Variants in FRMD5 observed in about 807,000 individuals in gnomAD.
The protein encoded by FRMD5 is FERM domain-containing protein 5.
Under a neutral mutation model 69.0 loss-of-function variants are expected in FRMD5, and 20 were observed. The ratio of observed to expected loss-of-function variants is 0.29; its 90% confidence interval spans 0.20 to 0.42. The LOEUF (loss-of-function observed/expected upper bound fraction) is 0.42, where lower values mean the gene tolerates loss of function less well. FRMD5 is among the 10% of genes least tolerant of loss of function. FRMD5 has a pLI of 1.00. For missense variants in FRMD5, 595 were observed against 708.6 expected, an observed-to-expected ratio of 0.84 and a Z score of 1.82; for synonymous variants, 271 against 260.1, an observed-to-expected ratio of 1.04 and a Z score of -0.40.
At chr15:44,109,815 C>T (rs150805178) in intron 1 of FRMD5, among the ~76,000 whole-genome samples, 1 of 152,326 alleles carries the variant, frequency 6.6e-6, no homozygotes, top group Non-Finnish European at 1.5e-5. Flanking sequence ...TAAGTTCCCT[C>T]CTTCTTTCCT....
intron 1 of FRMD5, among the ~76,000 whole-genome samples, chr15:44,182,068 T>C (rs1595564618): frequency 6.6e-6 from 1 of 151,654 alleles, no homozygotes; most frequent in Admixed American, 6.6e-5. Flanking sequence ...TGAAGTCTAG[T>C]GGTGCGATCT....
intron 1 of FRMD5, among the ~76,000 whole-genome samples, chr15:43,961,281 C>A (rs1018213896): frequency 1.3e-5 from 2 of 152,142 alleles, no homozygotes; most frequent in South Asian, 2.1e-4. Flanking sequence ...AACACCTCTA[C>A]GCAAATAAAC....
chr15:43,998,629 T>C lies in FRMD5; in HGVS notation c.103-74320A>G, dbSNP rs565244716. On this transcript the variant is annotated intron_variant, in intron 1 of 13. Coordinates refer to ENST00000417257, the MANE Select transcript of FRMD5 (RefSeq NM_032892.5). ...CCCTAAACTCCACTGCCATTCAAAC[T>C]GGCAGACACTAAGGCTTGAGCACTA... Among the ~76,000 whole-genome samples, 8 of 152,338 alleles carry C rather than the reference T, an allele frequency of 5.3e-5. No individual in the cohort carries two copies. In the East Asian group the frequency reaches 1.2e-3, roughly 22 times the overall value.
At chr15:44,105,395 T>G (rs888357174) in intron 1 of FRMD5, among the ~76,000 whole-genome samples, 1 of 152,172 alleles carries the variant, frequency 6.6e-6, no homozygotes, top group African/African-American at 2.4e-5. Context: ...TTCAAAGGTG[T>G]GGAAGGCAAA....
At chr15:44,031,754 T>C (rs1891694616) in intron 1 of FRMD5, among the ~76,000 whole-genome samples, 1 of 152,326 alleles carries the variant, frequency 6.6e-6, no homozygotes, top group Non-Finnish European at 1.5e-5. Context: ...GCTATTTTCA[T>C]GATATTCCCC....
At chr15:44,007,964 T>C (rs948409685) in intron 1 of FRMD5, among the ~76,000 whole-genome samples, 9 of 151,934 alleles carry the variant, frequency 5.9e-5, no homozygotes, top group Non-Finnish European at 1.3e-4. Context: ...TTTAAAGAGA[T>C]GGGGTCTTGC....
intron 1 of FRMD5, among the ~76,000 whole-genome samples, chr15:44,147,631 T>C (rs948115836): frequency 1.6e-4 from 25 of 152,122 alleles, no homozygotes; most frequent in African/African-American, 5.8e-4. Flanking sequence ...GTTAGACCAG[T>C]ACAGGTAAGG....
chr15:44,035,054 A>T (rs757727984), intron 1 of FRMD5, among the ~76,000 whole-genome samples: 5 of 151,980 alleles, frequency 3.3e-5, no homozygotes, highest in Non-Finnish European at 5.9e-5. Context: ...CACTTTCTAT[A>T]TTTGCTTAAG....
intron 1 of FRMD5, among the ~76,000 whole-genome samples, chr15:44,002,768 G>T (rs955810652): frequency 6.6e-6 from 1 of 152,036 alleles, no homozygotes. Flanking sequence ...TGCGGCGCGG[G>T]GCTGTCTGCC....
At chr15:43,991,755 T>A (rs1441850427) in intron 1 of FRMD5, among the ~76,000 whole-genome samples, 1 of 152,238 alleles carries the variant, frequency 6.6e-6, no homozygotes, top group African/African-American at 2.4e-5. Flanking sequence ...AACAGGGCAC[T>A]GATGTGTTCT....
intron 1 of FRMD5, chr15:43,990,320 T>C (rs1889614141): frequency 3.9e-6 from 1 of 256,448 alleles, no homozygotes; most frequent in Admixed American, 4.9e-5. Flanking sequence ...TGACTTTGCT[T>C]TTTTGTGATA....
intron 1 of FRMD5, among the ~76,000 whole-genome samples, chr15:44,017,068 G>A (rs1333815408): frequency 6.6e-6 from 1 of 151,994 alleles, no homozygotes; most frequent in East Asian, 2.0e-4. Flanking sequence ...GCCGGGTGCG[G>A]TGGCTCACAC....
At chr15:44,014,356 T>G (rs1890860107) in intron 1 of FRMD5, among the ~76,000 whole-genome samples, 1 of 152,172 alleles carries the variant, frequency 6.6e-6, no homozygotes, top group Non-Finnish European at 1.5e-5. Context: ...CTTTCTGGGT[T>G]CAAGTCTCAG....
intron 1 of FRMD5, among the ~76,000 whole-genome samples, chr15:44,111,691 G>T (rs993148555): frequency 3.3e-5 from 5 of 152,262 alleles, no homozygotes; most frequent in African/African-American, 1.2e-4. Flanking sequence ...CTCTGCAAAA[G>T]AAATAGATGC....
chr15:43,876,597 CT>C (rs2088365863), intron 13 of FRMD5, among the ~76,000 whole-genome samples: 1 of 152,168 alleles, frequency 6.6e-6, no homozygotes, highest in Non-Finnish European at 1.5e-5. Flanking sequence ...ACCGAATATC[CT>C]TGTAAAAACC....
At chr15:44,026,670 T>C (rs903692057) in intron 1 of FRMD5, among the ~76,000 whole-genome samples, 4 of 152,204 alleles carry the variant, frequency 2.6e-5, no homozygotes, top group Non-Finnish European at 2.9e-5. Flanking sequence ...CATGATGAAA[T>C]GATTTTTCTC....
intron 1 of FRMD5, among the ~76,000 whole-genome samples, chr15:43,993,590 G>T (rs926571459): frequency 6.6e-6 from 1 of 152,146 alleles, no homozygotes; most frequent in Non-Finnish European, 1.5e-5. Flanking sequence ...TGTCTGTTAG[G>T]TCCATTCGAT....
chr15:43,968,252 T>C (rs748489404), intron 1 of FRMD5, among the ~76,000 whole-genome samples: 2 of 152,154 alleles, frequency 1.3e-5, no homozygotes, highest in Non-Finnish European at 2.9e-5. Context: ...CATCATGTCA[T>C]AATCCTTTTA....
chr15:44,189,261 C>T (rs551869973), intron 1 of FRMD5, among the ~76,000 whole-genome samples: 3 of 152,218 alleles, frequency 2.0e-5, no homozygotes, highest in African/African-American at 7.2e-5. Flanking sequence ...ACAACAATTA[C>T]AACTGTTGAA....
Sources: allele counts gnomAD v4.1 joint callset (sites outside exome capture counted in the v4.1 genomes callset), GRCh38; gene constraint gnomAD v4.1.1; transcripts MANE v1.5; gene names NCBI Gene and HGNC (gene_info 2026-07-23, HGNC 2026-07-21).